The following KCNJ3 variants were observed in gnomAD, a reference collection of about 807,000 sequenced individuals.
The protein encoded by KCNJ3 is G protein-activated inward rectifier potassium channel 1.
A neutral mutation model predicts 39.2 loss-of-function variants in KCNJ3; 4 were observed. That is an observed-to-expected ratio of 0.10 (90% CI 0.05 to 0.23). The LOEUF (loss-of-function observed/expected upper bound fraction) is 0.23. KCNJ3 is among the 10% of genes least tolerant of loss of function. The probability of loss-of-function intolerance (pLI) is 1.00; values close to 1 mark genes in which losing one functional copy is unlikely to be tolerated. For missense variants in KCNJ3, 276 were observed against 634.9 expected (o/e 0.43, Z 6.08); for synonymous variants, 230 against 237.4 (o/e 0.97, Z 0.29).
chr2:154,758,778 T>C (rs913230870), intron 2 of KCNJ3, among the ~76,000 whole-genome samples: 3 of 152,184 alleles, frequency 2.0e-5, no homozygotes, highest in Non-Finnish European at 4.4e-5. Flanking sequence ...GAAAAAATTG[T>C]GACTTGAATC....
chr2:154,796,800 C>A (rs557339732), intron 2 of KCNJ3, among the ~76,000 whole-genome samples: 7 of 152,148 alleles, frequency 4.6e-5, no homozygotes, highest in African/African-American at 1.4e-4. Context: ...TTAAGAGTCA[C>A]GGAATATGCT....
intron 2 of KCNJ3, among the ~76,000 whole-genome samples, chr2:154,835,510 T>TGA (rs1687444893): frequency 7.4e-6 from 1 of 134,556 alleles, no homozygotes; most frequent in African/African-American, 2.9e-5. Context: ...TATATCAAAA[T>TGA]ATATATATAT....
rs755564498 is a variant in KCNJ3 at position 154,703,477 on chromosome 2, A to ATGTG, written c.702+4001_702+4002insGTGT. Among the ~76,000 whole-genome samples, 302 of 136,638 alleles carry ATGTG rather than the reference A, an allele frequency of 2.2e-3. 1 individual carries two copies. The highest frequency in any genetic ancestry group is 7.9e-3 in the African/African-American group (275 of 34,610). 89.6% of individuals were successfully genotyped at this position (136,638 alleles called of 152,430 possible). On this transcript the variant is annotated intron_variant, in intron 1 of 2. Transcript: ENST00000295101. ...GCTCACCTTCTTTTATCCTCCATATATATGTGTGTGTGTGTGTGTGTGTGT... is the reference window on the plus strand; with the variant it reads ...GCTCACCTTCTTTTATCCTCCATATATGTGTATGTGTGTGTGTGTGTGTGTGTGT...
rs571299082 is a variant in KCNJ3 at position 154,753,478 on chromosome 2, G to C, written c.919+43659G>C. On this transcript the variant is annotated intron_variant, in intron 2 of 2. Coordinates refer to ENST00000295101, the MANE Select transcript of KCNJ3 (RefSeq NM_002239.4). ...GGAGTTTTTTCCAGATTTTAGCACTGAAGTATAAATACCAGTCCTTCACTC... is the reference window on the plus strand; with the variant it reads ...GGAGTTTTTTCCAGATTTTAGCACTCAAGTATAAATACCAGTCCTTCACTC... Among the ~76,000 whole-genome samples the C allele has an allele frequency of 9.9e-5, 15 of 152,170 alleles. No homozygotes were observed. In the South Asian group the frequency reaches 3.1e-3, roughly 32 times the overall value.
At chr2:154,807,905 C>T (rs1686940283) in intron 2 of KCNJ3, among the ~76,000 whole-genome samples, 1 of 152,206 alleles carries the variant, frequency 6.6e-6, no homozygotes, top group Middle Eastern at 3.4e-3. Context: ...CTCTATCCCT[C>T]TTGGGTTCTA....
chr2:154,851,916 T>G (rs1687762703), intron 2 of KCNJ3, among the ~76,000 whole-genome samples: 1 of 152,186 alleles, frequency 6.6e-6, no homozygotes. Context: ...TGATTTTTTA[T>G]GTAATGTTAT....
intron 2 of KCNJ3, among the ~76,000 whole-genome samples, chr2:154,783,589 A>G (rs1686476892): frequency 1.3e-5 from 2 of 152,230 alleles, no homozygotes; most frequent in Non-Finnish European, 2.9e-5. Flanking sequence ...ATATTAACTT[A>G]TTAAATTTTC....
chr2:154,774,016 A>G (rs953602636), intron 2 of KCNJ3, among the ~76,000 whole-genome samples: 1 of 152,118 alleles, frequency 6.6e-6, no homozygotes, highest in Non-Finnish European at 1.5e-5. Flanking sequence ...TGAGCTGCAA[A>G]GAAGGTTTTC....
rs1441522157 is a variant in KCNJ3 at position 154,786,751 on chromosome 2, A to G, written c.920-67976A>G. Reference sequence around the variant, plus strand: ...CACAAAATGAATTTTATTTTAGTTAACTGAAAAAAAATCAAGAAAAAATAC... The same window carrying G: ...CACAAAATGAATTTTATTTTAGTTAGCTGAAAAAAAATCAAGAAAAAATAC... On this transcript the variant is annotated intron_variant, in intron 2 of 2. Coordinates refer to ENST00000295101, the MANE Select transcript of KCNJ3 (RefSeq NM_002239.4). Among the ~76,000 whole-genome samples the G allele has an allele frequency of 2.0e-5, 3 of 152,214 alleles. No individual in the cohort carries two copies. The East Asian group carries it at 5.8e-4, about 29-fold the overall frequency.
At chr2:154,778,050 T>C (rs1686370226) in intron 2 of KCNJ3, among the ~76,000 whole-genome samples, 1 of 152,094 alleles carries the variant, frequency 6.6e-6, no homozygotes, top group Non-Finnish European at 1.5e-5. Flanking sequence ...CAAAGGAGAG[T>C]AACAATTAGA....
chr2:154,854,662 C>T, intron 2 of KCNJ3, 65 bp from the exon 3 acceptor site: 1 of 1,226,674 alleles, frequency 8.2e-7, no homozygotes, highest in South Asian at 1.5e-5. Context: ...ATTATTTAGG[C>T]CAAACCGGCT....
chr2:154,832,902 C>T (rs13404473), intron 2 of KCNJ3, among the ~76,000 whole-genome samples: 1 of 152,078 alleles, frequency 6.6e-6, no homozygotes, highest in African/African-American at 2.4e-5. Flanking sequence ...AACAGATTTG[C>T]TTATTTACTT....
chr2:154,765,136 T>C (rs1372497576), intron 2 of KCNJ3, among the ~76,000 whole-genome samples: 1 of 152,184 alleles, frequency 6.6e-6, no homozygotes, highest in Non-Finnish European at 1.5e-5. Flanking sequence ...ATAGTGGCTG[T>C]AGCATTCTCC....
intron 2 of KCNJ3, among the ~76,000 whole-genome samples, chr2:154,835,440 CATGAATATGAATATATAA>C (rs1687440363): frequency 4.1e-5 from 2 of 49,158 alleles, no homozygotes; most frequent in African/African-American, 9.8e-5. Flanking sequence ...ATATAATATT[CATGAATATGAATATATAA>C]TATTCATGAA....
At chr2:154,784,401 G>A (rs1318615723) in intron 2 of KCNJ3, among the ~76,000 whole-genome samples, 4 of 152,146 alleles carry the variant, frequency 2.6e-5, no homozygotes, top group Admixed American at 6.5e-5. Context: ...TTTTTGAGAC[G>A]GAGTCTCGCT....
At chr2:154,728,584 A>C (rs1322505565) in intron 2 of KCNJ3, among the ~76,000 whole-genome samples, 2 of 152,218 alleles carry the variant, frequency 1.3e-5, no homozygotes, top group African/African-American at 4.8e-5. Context: ...AAAAAATTCA[A>C]TATCCACAAT....
Position 154,811,636 on chromosome 2 carries a change from C to T in KCNJ3, c.920-43091C>T, listed in dbSNP as rs144147823. ...AGGGGGAAACTTTGTTCCTGTTTGT[C>T]CCTATCAATTCATGAGCCCTCACTC... On this transcript the variant is annotated intron_variant, in intron 2 of 2. Coordinates refer to ENST00000295101, the MANE Select transcript of KCNJ3 (RefSeq NM_002239.4). Among the ~76,000 whole-genome samples, 331 of 152,190 alleles carry T rather than the reference C, an allele frequency of 2.2e-3. 2 individuals are homozygous for T. The highest frequency in any genetic ancestry group is 7.7e-3 in the African/African-American group (319 of 41,530).
intron 2 of KCNJ3, among the ~76,000 whole-genome samples, chr2:154,757,173 A>C (rs1404103648): frequency 6.6e-6 from 1 of 152,222 alleles, no homozygotes; most frequent in Non-Finnish European, 1.5e-5. Flanking sequence ...AATATAAGTC[A>C]AGACATTTGA....
chr2:154,840,151 A>G (rs1474167495), intron 2 of KCNJ3, among the ~76,000 whole-genome samples: 1 of 152,186 alleles, frequency 6.6e-6, no homozygotes, highest in Non-Finnish European at 1.5e-5. Flanking sequence ...AGCTTTCTAC[A>G]TATGGCTAGC....
Sources: allele counts gnomAD v4.1 joint callset (sites outside exome capture counted in the v4.1 genomes callset), GRCh38; gene constraint gnomAD v4.1.1; transcripts MANE v1.5; gene names NCBI Gene and HGNC (gene_info 2026-07-23, HGNC 2026-07-21).